The following SLC29A3 variants were observed in gnomAD, a reference collection of about 807,000 sequenced individuals.
The protein encoded by SLC29A3 is solute carrier family 29 member 3.
In SLC29A3, 18 loss-of-function variants were observed where a neutral mutation model predicts 25.4. The ratio of observed to expected loss-of-function variants is 0.71; its 90% CI spans 0.49 to 1.05. SLC29A3 has a LOEUF of 1.05. Among genes scored for constraint, SLC29A3 ranks in the 50% least tolerant of loss-of-function variants. The probability of loss-of-function intolerance (pLI) is 0.00; values close to 1 mark genes in which losing one functional copy is unlikely to be tolerated. For missense variants in SLC29A3, 586 were observed against 609.0 expected (o/e 0.96, Z 0.40); for synonymous variants, 258 against 267.1 (o/e 0.97, Z 0.33).
In SLC29A3 at chr10:71,351,492, G is replaced by A. The variant is rs967449546; in HGVS notation, c.384-70G>A. The A allele has an allele frequency of 1.5e-5, 21 of 1,405,336 alleles. No homozygotes were observed. The African/African-American group carries it at 2.4e-4, about 16-fold the overall frequency. The allele number at this position is 1,405,336 out of a possible 1,614,324, so 87.1% of individuals were successfully genotyped here. On this transcript the variant is annotated intron_variant, in intron 3 of 5. Transcript: ENST00000373189. ...TAAGCTCGCCTGCTTCCCTTAAGGT[G>A]GCTCACCAGCCCCAGCCCACACAGG...
Position 71,332,152 on chromosome 10 carries a change from C to CTT in SLC29A3, c.300+9111_300+9112dup, listed in dbSNP as rs10716665. Among the ~76,000 whole-genome samples the CTT allele has an allele frequency of 6.9e-4, 93 of 135,254 alleles. 1 individual carries two copies. The highest frequency in any genetic ancestry group is 5.9e-3 in the Admixed American group (78 of 13,318). 88.7% of individuals were successfully genotyped at this position (135,254 alleles called of 152,430 possible). A position where few individuals can be genotyped will look rare whatever the true frequency, so the allele number is the denominator to read the frequency against. On this transcript the variant is annotated intron_variant, in intron 2 of 5. Transcript: ENST00000373189. ...CTTCTCTTTTCTTTTTCTTTTTTTTCTTTTTTTTTTTTTTGAGACACATTC... is the reference window on the plus strand; with the variant it reads ...CTTCTCTTTTCTTTTTCTTTTTTTTCTTTTTTTTTTTTTTTTGAGACACATTC...
intron 2 of SLC29A3, among the ~76,000 whole-genome samples, chr10:71,326,261 C>A (rs1178649449): frequency 6.6e-6 from 1 of 152,166 alleles, no homozygotes; most frequent in African/African-American, 2.4e-5. Context: ...AATACCACCA[C>A]CAACTTCTTA....
At chr10:71,368,803 G>A (rs1432523099) in intron 3 of SLC29A3, among the ~76,000 whole-genome samples, 1 of 152,186 alleles carries the variant, frequency 6.6e-6, no homozygotes, top group Admixed American at 6.5e-5. Flanking sequence ...TCCTGGCTGT[G>A]TGACTGAAGG....
Position 71,362,332 on chromosome 10 carries a change from C to T in SLC29A3, c.1152C>T (p.Leu384=). 5 of 1,614,184 alleles carry T rather than the reference C, an allele frequency of 3.1e-6. No homozygotes were observed. Among genetic ancestry groups the T allele is most frequent in the South Asian group, 2.2e-5 (2 of 91,090 alleles). ...GCAAGGCGCTCCCAGGGTTCGTGCT[C>T]CTCCGGACCTGCCTCATCCCCCTCT... ...PNSKALPGFV[L]LRTCLIPLFV... Residue 384 remains leucine (L), a synonymous_variant, in exon 6 of 6, where the codon CTC becomes CTT. Coordinates refer to ENST00000373189, the MANE Select transcript of SLC29A3 (RefSeq NM_018344.6).
exon 5 of SLC29A3, chr10:71,380,434 C>T (rs1196779549): frequency 2.6e-5 from 4 of 152,176 alleles, no homozygotes; most frequent in African/African-American, 4.8e-5. Context: ...GAGTCCTGCT[C>T]CCCTCCCCTG....
intron 3 of SLC29A3, among the ~76,000 whole-genome samples, chr10:71,350,014 C>T (rs59055044): frequency 0.017 from 2,639 of 152,304 alleles, 80 homozygotes; most frequent in African/African-American, 0.06. Context: ...ACTGGACACA[C>T]AGTAGTTGCT....
chr10:71,375,942 T>C (rs1847248704), intron 4 of SLC29A3: 1 of 152,168 alleles, frequency 6.6e-6, no homozygotes, highest in South Asian at 2.1e-4. Flanking sequence ...CCCTTTAAAT[T>C]GAGGGCAGAA....
chr10:71,368,856 G>A (rs1211700560), intron 3 of SLC29A3, among the ~76,000 whole-genome samples: 1 of 152,150 alleles, frequency 6.6e-6, no homozygotes, highest in Admixed American at 6.5e-5. Flanking sequence ...GAACACTAGG[G>A]GCGATTGTAG....
chr10:71,358,329 C>G (rs1304218314), intron 5 of SLC29A3, among the ~76,000 whole-genome samples: 1 of 152,180 alleles, frequency 6.6e-6, no homozygotes, highest in Non-Finnish European at 1.5e-5. Flanking sequence ...TAGTGAGCCA[C>G]TTTCCCCAGC....
intron 4 of SLC29A3, 57 bp from the exon 5 acceptor site, chr10:71,356,024 C>T: frequency 6.3e-7 from 1 of 1,591,606 alleles, no homozygotes; most frequent in Non-Finnish European, 8.6e-7. Flanking sequence ...GAGGGGCCCG[C>T]AGCCACTCCT....
At position 71,362,317 on chromosome 10, in the gene SLC29A3, C is replaced by T. The variant is rs115006556; in HGVS notation, c.1137C>T (p.Leu379=). The change falls in exon 6 of 6, where the codon CTC becomes CTT. Residue 379 remains leucine (L), a synonymous_variant. Transcript: ENST00000373189. The part of the protein sequence containing the change: ...IQVPGPNSKA[L]PGFVLLRTCL... ...TGCCAGGGCCCAATAGCAAGGCGCT[C>T]CCAGGGTTCGTGCTCCTCCGGACCT... 5.0e-4 allele frequency: 802 copies of T among 1,614,166 alleles called. 5 individuals carry two copies. In the African/African-American group the frequency reaches 9.7e-3, roughly 20 times the overall value.
At chr10:71,325,330 C>G (rs1685240916) in intron 2 of SLC29A3, among the ~76,000 whole-genome samples, 2 of 152,204 alleles carry the variant, frequency 1.3e-5, no homozygotes, top group Non-Finnish European at 2.9e-5. Context: ...AGTCCAGAGT[C>G]CTTTTGTAGT....
chr10:71,343,656 A>G (rs970414106), intron 2 of SLC29A3, among the ~76,000 whole-genome samples: 1 of 152,226 alleles, frequency 6.6e-6, no homozygotes, highest in African/African-American at 2.4e-5. Flanking sequence ...TGGTTGGGTC[A>G]CAAGAAAACC....
At chr10:71,323,818 A>G (rs1280376572) in intron 2 of SLC29A3, among the ~76,000 whole-genome samples, 1 of 152,182 alleles carries the variant, frequency 6.6e-6, no homozygotes, top group Non-Finnish European at 1.5e-5. Context: ...CAGGTAGAAG[A>G]AAAAGGCTGG....
intron 3 of SLC29A3, among the ~76,000 whole-genome samples, chr10:71,370,887 C>T (rs1455213110): frequency 1.3e-5 from 2 of 151,952 alleles, no homozygotes; most frequent in South Asian, 2.1e-4. Flanking sequence ...TTGGGATAGC[C>T]ATCACCTTAA....
chr10:71,331,916 C>G (rs1162161507), intron 2 of SLC29A3, among the ~76,000 whole-genome samples: 1 of 152,144 alleles, frequency 6.6e-6, no homozygotes, highest in Non-Finnish European at 1.5e-5. Flanking sequence ...TAGACCCTTC[C>G]CTGATGGCTT....
At position 71,322,920 on chromosome 10, in the gene SLC29A3, A is replaced by T; in HGVS notation, c.166A>T (p.Ile56Phe). 1 of 1,614,114 alleles carries T rather than the reference A, an allele frequency of 6.2e-7. No individual in the cohort carries two copies. Among genetic ancestry groups the T allele is most frequent in the Non-Finnish European group, 8.5e-7 (1 of 1,180,038 alleles). The change falls in exon 2 of 6, where the codon ATC (isoleucine) becomes TTC (phenylalanine). Residue 56 changes from isoleucine (I) to phenylalanine (F), a missense_variant. Physicochemically the swap from Ile to Phe is conservative, Grantham distance 21. Transcript: ENST00000373189. ...GGACCGCTTCTGTGGCACATACATC[A>T]TCTTCTTCAGCCTGGGCATTGGCAG... ...PEDRFCGTYI[I>F]FFSLGIGSLL...
intron 3 of SLC29A3, among the ~76,000 whole-genome samples, chr10:71,350,067 T>C (rs554900201): frequency 6.6e-6 from 1 of 152,336 alleles, no homozygotes; most frequent in South Asian, 2.1e-4. Context: ...AGTACACATG[T>C]TAACAGACTG....
chr10:71,319,414 C>G, intron 1 of SLC29A3, 104 bp downstream of exon 1: 1 of 530,486 alleles, frequency 1.9e-6, no homozygotes, highest in Non-Finnish European at 3.3e-6. Flanking sequence ...TGCGGGCTGC[C>G]AGGGGAGCCG....
Sources: gnomAD v4.1 joint callset for allele counts (sites outside exome capture counted in the v4.1 genomes callset) on GRCh38, gnomAD v4.1.1 for gene constraint, MANE v1.5 for transcripts, NCBI Gene and HGNC (gene_info 2026-07-23, HGNC 2026-07-21) for gene names.